C1QTNF3: variants seen among roughly 807,000 people sequenced by gnomAD.
C1QTNF3 encodes complement C1q tumor necrosis factor-related protein 3.
In C1QTNF3, 26 loss-of-function variants were observed where a neutral mutation model predicts 32.6. The ratio of observed to expected loss-of-function variants is 0.80; its 90% CI spans 0.58 to 1.11. The LOEUF (loss-of-function observed/expected upper bound fraction) is 1.11. C1QTNF3 is among the 50% of genes least tolerant of loss of function. The probability of loss-of-function intolerance (pLI) is 0.00; values close to 1 mark genes in which losing one functional copy is unlikely to be tolerated. For synonymous variants in C1QTNF3, 155 were observed against 146.0 expected, an observed-to-expected ratio of 1.06 and a Z score of -0.44; for missense variants, 362 against 398.2, an observed-to-expected ratio of 0.91 and a Z score of 0.77.
At chr5:34,063,289 C>G in the C1QTNF3 span, among the ~76,000 whole-genome samples, 1 of 84,286 alleles carries the variant, frequency 1.2e-5, no homozygotes, top group Non-Finnish European at 2.5e-5. Flanking sequence ...TCTCTCTTCC[C>G]TCTCTCTCCT....
the C1QTNF3 span, among the ~76,000 whole-genome samples, chr5:34,204,165 T>C: frequency 1.4e-4 from 21 of 152,250 alleles, no homozygotes; most frequent in Admixed American, 6.5e-4. Context: ...TTAGATGAAA[T>C]AGACCTAACT....
upstream of C1QTNF3, among the ~76,000 whole-genome samples, chr5:34,047,580 G>A: frequency 6.6e-6 from 1 of 152,120 alleles, no homozygotes; most frequent in East Asian, 1.9e-4. Context: ...CGAGAGCAGT[G>A]GAAATGTGAC....
chr5:34,228,307 C>G, the C1QTNF3 span, among the ~76,000 whole-genome samples: 1 of 151,464 alleles, frequency 6.6e-6, no homozygotes, highest in African/African-American at 2.4e-5. Flanking sequence ...GCTGTAAGGA[C>G]TCAGGAAATC....
chr5:34,168,738 T>C, the C1QTNF3 span: 1 of 152,168 alleles, frequency 6.6e-6, no homozygotes, highest in Non-Finnish European at 1.5e-5. Flanking sequence ...AGGGGAGATA[T>C]ACATGAAGCA....
At chr5:34,239,084 A>T in the C1QTNF3 span, among the ~76,000 whole-genome samples, 1 of 152,196 alleles carries the variant, frequency 6.6e-6, no homozygotes, top group African/African-American at 2.4e-5. Flanking sequence ...TTCTCAGATA[A>T]GCAAATACTG....
chr5:34,163,693 A>C, the C1QTNF3 span, among the ~76,000 whole-genome samples: 1 of 152,106 alleles, frequency 6.6e-6, no homozygotes, highest in Admixed American at 6.6e-5. Context: ...CATTGATAAA[A>C]GGTCCCTATT....
the C1QTNF3 span, among the ~76,000 whole-genome samples, chr5:34,059,093 G>A: frequency 6.6e-6 from 1 of 152,316 alleles, no homozygotes; most frequent in East Asian, 1.9e-4. Context: ...TCATTTACTA[G>A]GGCTGCTGTA....
Position 34,018,854 on chromosome 5 carries a change from C to T in C1QTNF3, c.*1729G>A, listed in dbSNP as rs111552795. Reference sequence around the variant, plus strand: ...AAGATTTAGAATTTGCGGCTGGGTGCGGGGGCTCACGCCTGTAATCCCAGC... The same window carrying T: ...AAGATTTAGAATTTGCGGCTGGGTGTGGGGGCTCACGCCTGTAATCCCAGC... On this transcript the variant is annotated 3_prime_UTR_variant, in exon 6 of 6. Transcript: ENST00000382065. 7.8e-4 allele frequency among the ~76,000 whole-genome samples: 119 copies of T among 152,250 alleles called. 1 individual carries two copies. The highest frequency in any genetic ancestry group is 2.5e-3 in the African/African-American group (103 of 41,550).
chr5:34,202,571 TG>T, the C1QTNF3 span, among the ~76,000 whole-genome samples: 1 of 151,542 alleles, frequency 6.6e-6, no homozygotes, highest in Non-Finnish European at 1.5e-5. Flanking sequence ...CTGTAATACA[TG>T]AAACTTAGGC....
the C1QTNF3 span, among the ~76,000 whole-genome samples, chr5:34,235,295 C>A: frequency 0.51 from 77,501 of 151,954 alleles, 22,986 homozygotes; most frequent in Non-Finnish European, 0.66. Context: ...CAAGTGGTTT[C>A]CAACAAGGAA....
chr5:34,237,578 T>C, the C1QTNF3 span, among the ~76,000 whole-genome samples: 2 of 152,172 alleles, frequency 1.3e-5, no homozygotes, highest in South Asian at 2.1e-4. Flanking sequence ...GATGGTCAAT[T>C]TGACATGGTC....
At chr5:34,062,976 A>AT in the C1QTNF3 span, among the ~76,000 whole-genome samples, 1 of 152,002 alleles carries the variant, frequency 6.6e-6, no homozygotes, top group African/African-American at 2.4e-5. Context: ...GCTGCTACAG[A>AT]TTGAATGCAT....
chr5:34,147,947 G>C, the C1QTNF3 span, among the ~76,000 whole-genome samples: 1 of 152,124 alleles, frequency 6.6e-6, no homozygotes, highest in Non-Finnish European at 1.5e-5. Flanking sequence ...TGAGGTACCG[G>C]GTTCATCTCA....
the C1QTNF3 span, among the ~76,000 whole-genome samples, chr5:34,052,954 A>G: frequency 6.6e-6 from 1 of 152,180 alleles, no homozygotes; most frequent in Non-Finnish European, 1.5e-5. Flanking sequence ...TCAGCTCCAG[A>G]TACTACAGGG....
chr5:34,077,407 A>C, the C1QTNF3 span, among the ~76,000 whole-genome samples: 4 of 151,626 alleles, frequency 2.6e-5, no homozygotes, highest in Non-Finnish European at 5.9e-5. Context: ...CAACAACAAA[A>C]CACTGTTGAG....
upstream of C1QTNF3, among the ~76,000 whole-genome samples, chr5:34,045,001 G>T (rs768108080): frequency 2.0e-5 from 3 of 152,158 alleles, no homozygotes; most frequent in Non-Finnish European, 2.9e-5. Context: ...CAAGTGGATG[G>T]GCTTTTGCTG....
intron 4 of C1QTNF3, among the ~76,000 whole-genome samples, chr5:34,028,047 A>G (rs1754517066): frequency 6.6e-6 from 1 of 151,706 alleles, no homozygotes; most frequent in African/African-American, 2.4e-5. Context: ...ATCTCCGCTC[A>G]CTGCAAGCTC....
chr5:34,241,998 A>AAGGG, the C1QTNF3 span, among the ~76,000 whole-genome samples: 22 of 150,124 alleles, frequency 1.5e-4, no homozygotes, highest in African/African-American at 5.0e-4. Context: ...GGAAGGAAGG[A>AAGGG]AGGAAGGAAA....
chr5:34,147,132 A>G, the C1QTNF3 span, among the ~76,000 whole-genome samples: 3 of 103,158 alleles, frequency 2.9e-5, no homozygotes, highest in African/African-American at 5.8e-5. Context: ...GGCTATTACT[A>G]AAAAGTAAAA....
Sources: gnomAD v4.1 joint callset for allele counts (sites outside exome capture counted in the v4.1 genomes callset) on GRCh38, gnomAD v4.1.1 for gene constraint, MANE v1.5 for transcripts, NCBI Gene and HGNC (gene_info 2026-07-23, HGNC 2026-07-21) for gene names.